PRKCE: variants seen among roughly 807,000 people sequenced by gnomAD.
The protein encoded by PRKCE is protein kinase C epsilon.
Under a neutral mutation model 85.4 loss-of-function variants are expected in PRKCE, and 16 were observed. That is an observed-to-expected ratio of 0.19 (90% CI 0.13 to 0.28). PRKCE has a LOEUF of 0.28. Among genes scored for constraint, PRKCE ranks in the 10% least tolerant of loss-of-function variants. PRKCE has a pLI of 1.00. For missense variants in PRKCE, 573 were observed against 975.2 expected, an observed-to-expected ratio of 0.59 and a Z score of 5.49; for synonymous variants, 388 against 371.5, an observed-to-expected ratio of 1.04 and a Z score of -0.51.
chr2:46,150,306 G>A (rs922543356), intron 12 of PRKCE, among the ~76,000 whole-genome samples: 1 of 152,186 alleles, frequency 6.6e-6, no homozygotes. Flanking sequence ...TCAAGGAGAT[G>A]GTTCGATTCT....
chr2:45,691,949 TACTG>T (rs1203360408), intron 1 of PRKCE, among the ~76,000 whole-genome samples: 6 of 152,246 alleles, frequency 3.9e-5, no homozygotes, highest in Non-Finnish European at 8.8e-5. Context: ...TCTGAGGTTC[TACTG>T]ACTATGTGTC....
chr2:45,896,521 G>A (rs1036129703), intron 2 of PRKCE, among the ~76,000 whole-genome samples: 3 of 152,092 alleles, frequency 2.0e-5, no homozygotes, highest in Admixed American at 6.6e-5. Flanking sequence ...TCTCTTTTCT[G>A]ACTTTTATAT....
At chr2:45,980,780 G>A (rs1702827083) in intron 5 of PRKCE, among the ~76,000 whole-genome samples, 1 of 152,030 alleles carries the variant, frequency 6.6e-6, no homozygotes. Context: ...GGGGAGTGGT[G>A]TGGAATGAGC....
rs886099042 is a variant in PRKCE, at chr2:45,889,811, A to T, written c.412+46748A>T. On this transcript the variant is annotated intron_variant, in intron 2 of 14. Transcript: ENST00000306156. Reference sequence around the variant, plus strand: ...TGGGACTGATACCAGCTTCATATGTACACAAAGGTCACGCACTCCTCCTCC... The same window carrying T: ...TGGGACTGATACCAGCTTCATATGTTCACAAAGGTCACGCACTCCTCCTCC... Among the ~76,000 whole-genome samples the T allele has an allele frequency of 2.0e-5, 3 of 152,214 alleles. No individual in the cohort carries two copies. In the East Asian group the frequency reaches 5.8e-4, roughly 29 times the overall value.
chr2:45,916,117 G>C (rs760823000), intron 2 of PRKCE, among the ~76,000 whole-genome samples: 4 of 152,044 alleles, frequency 2.6e-5, no homozygotes, highest in Non-Finnish European at 5.9e-5. Context: ...TGTGGTGTCT[G>C]ATGGATTTCA....
chr2:45,676,924 T>C (rs1239248877), intron 1 of PRKCE: 1 of 152,192 alleles, frequency 6.6e-6, no homozygotes, highest in Non-Finnish European at 1.5e-5. Context: ...CATGCTCCAA[T>C]TGGGGGACAG....
At chr2:45,728,127 G>T (rs2104522203) in intron 1 of PRKCE, among the ~76,000 whole-genome samples, 1 of 152,270 alleles carries the variant, frequency 6.6e-6, no homozygotes, top group African/African-American at 2.4e-5. Context: ...ATTTTTCAAA[G>T]TGTGACTCCA....
chr2:45,809,908 C>G (rs1301569872), intron 1 of PRKCE, among the ~76,000 whole-genome samples: 1 of 151,722 alleles, frequency 6.6e-6, no homozygotes, highest in Non-Finnish European at 1.5e-5. Context: ...GGGTACAAGC[C>G]CAAGGAGGGC....
intron 10 of PRKCE, among the ~76,000 whole-genome samples, chr2:46,027,092 C>A (rs985545956): frequency 3.3e-5 from 5 of 152,108 alleles, no homozygotes; most frequent in African/African-American, 9.7e-5. Context: ...TCGCTTGAGC[C>A]TAGGAAGTCA....
intron 1 of PRKCE, among the ~76,000 whole-genome samples, chr2:45,759,812 T>G (rs1007360046): frequency 6.6e-6 from 1 of 152,220 alleles, no homozygotes; most frequent in Admixed American, 6.5e-5. Flanking sequence ...CATTCAGAGA[T>G]GCAGGGAGGG....
At chr2:45,908,482 G>C (rs1189426090) in intron 2 of PRKCE, among the ~76,000 whole-genome samples, 3 of 152,208 alleles carry the variant, frequency 2.0e-5, no homozygotes, top group Non-Finnish European at 4.4e-5. Context: ...CAATGGGAAA[G>C]ATGCATTGTG....
At chr2:45,980,814 C>T (rs983615176) in intron 5 of PRKCE, among the ~76,000 whole-genome samples, 4 of 152,078 alleles carry the variant, frequency 2.6e-5, no homozygotes, top group Admixed American at 2.0e-4. Flanking sequence ...ACTTAGGAGG[C>T]GGCAACAACC....
chr2:45,728,563 C>A (rs1681285208), intron 1 of PRKCE, among the ~76,000 whole-genome samples: 1 of 152,120 alleles, frequency 6.6e-6, no homozygotes, highest in African/African-American at 2.4e-5. Flanking sequence ...TGCCCACGTG[C>A]CGCTGGAATC....
chr2:45,943,301 C>T (rs1700013896), intron 2 of PRKCE, among the ~76,000 whole-genome samples: 1 of 152,206 alleles, frequency 6.6e-6, no homozygotes, highest in South Asian at 2.1e-4. Context: ...AAAGCAGTTA[C>T]CCAGTCTATG....
At chr2:46,106,714 A>C (rs2104160608) in intron 11 of PRKCE, among the ~76,000 whole-genome samples, 1 of 152,346 alleles carries the variant, frequency 6.6e-6, no homozygotes, top group South Asian at 2.1e-4. Flanking sequence ...TTATCAGGAC[A>C]CCAGTCAGAT....
At chr2:46,021,786 C>T (rs1263369226) in intron 10 of PRKCE, among the ~76,000 whole-genome samples, 3 of 152,182 alleles carry the variant, frequency 2.0e-5, no homozygotes, top group Non-Finnish European at 4.4e-5. Context: ...CAGATTCTCT[C>T]ACCTCTCCCC....
intron 10 of PRKCE, among the ~76,000 whole-genome samples, chr2:46,040,892 A>T (rs1226154482): frequency 6.6e-6 from 1 of 152,232 alleles, no homozygotes; most frequent in East Asian, 1.9e-4. Context: ...CAAACTGACG[A>T]ATCTCAGTTT....
At chr2:46,066,295 C>T (rs1194075002) in intron 10 of PRKCE, among the ~76,000 whole-genome samples, 1 of 152,154 alleles carries the variant, frequency 6.6e-6, no homozygotes, top group Non-Finnish European at 1.5e-5. Context: ...GCTAAAGTTA[C>T]CCCCAAGAAA....
At chr2:46,007,841 T>A (rs909269276) in intron 9 of PRKCE, among the ~76,000 whole-genome samples, 180 bp downstream of exon 9, 1 of 152,260 alleles carries the variant, frequency 6.6e-6, no homozygotes, top group African/African-American at 2.4e-5. Flanking sequence ...CTGCTATTAA[T>A]TGGCTATATG....
Sources: allele counts gnomAD v4.1 joint callset (sites outside exome capture counted in the v4.1 genomes callset), GRCh38; gene constraint gnomAD v4.1.1; transcripts MANE v1.5; gene names NCBI Gene and HGNC (gene_info 2026-07-23, HGNC 2026-07-21).